IL3RA: variants seen among roughly 807,000 people sequenced by gnomAD.
IL3RA encodes the protein interleukin 3 receptor subunit alpha, also known as interleukin-3 receptor subunit alpha.
A neutral mutation model predicts 52.3 loss-of-function variants in IL3RA; 73 were observed. The observed-to-expected ratio is 1.40, with a 90% CI of 1.16 to 1.70. The LOEUF (loss-of-function observed/expected upper bound fraction) is 1.70. IL3RA is among the 40% of genes most tolerant of loss of function. The pLI is 0.00. For synonymous variants in IL3RA, 260 were observed against 194.0 expected (o/e 1.34, Z -2.83); for missense variants, 664 against 504.4 (o/e 1.32, Z -3.03).
At chrX:1,348,648 T>TTCTTTC (rs1277077882) in intron 4 of IL3RA, 103 bp downstream of exon 4, 1 of 292,882 alleles carries the variant, frequency 3.4e-6, no homozygotes, top group African/African-American at 9.8e-5. Context: ...CTTTTTCTCT[T>TTCTTTC]TCTTTCTTTC....
At chrX:1,378,174 C>G (rs1190964665) in intron 9 of IL3RA, among the ~76,000 whole-genome samples, 2 of 141,594 alleles carry the variant, frequency 1.4e-5, no homozygotes, top group African/African-American at 5.3e-5. Flanking sequence ...CAAAACGAGA[C>G]TCCATCTCAA....
At chrX:1,352,731 T>G (rs17879017) in intron 6 of IL3RA, among the ~76,000 whole-genome samples, 113,557 of 150,450 alleles carry the variant, frequency 0.75, 42,986 homozygotes, top group African/African-American at 0.83. Context: ...TCACGTGGTG[T>G]AGAGAGAGAG....
chrX:1,347,272 C>T lies in IL3RA; in HGVS notation c.184-1159C>T, dbSNP rs749623930. ...CCTCCTGGCTAACACGGTGAAACCC[C>T]GTCTCTACTAAAAATATAAAAATTA... On this transcript the variant is annotated intron_variant, in intron 3 of 11. Transcript: ENST00000331035. Among the ~76,000 whole-genome samples, 26 of 140,234 alleles carry T rather than the reference C, an allele frequency of 1.9e-4. 1 individual carries two copies. Among genetic ancestry groups the T allele is most frequent in the Admixed American group, 2.9e-4 (4 of 13,608 alleles). The allele number at this position is 140,234 out of a possible 152,430, so 92.0% of individuals were successfully genotyped here. A position where few individuals can be genotyped will look rare whatever the true frequency, so the allele number is the denominator to read the frequency against.
At chrX:1,345,175 T>A in intron 2 of IL3RA, 141 bp from the exon 3 acceptor site, 1 of 558,520 alleles carries the variant, frequency 1.8e-6, no homozygotes, top group Non-Finnish European at 3.2e-6. Context: ...TGTCAAAAAA[T>A]TTAAAAAAAT....
At chrX:1,351,559 C>A in intron 4 of IL3RA, among the ~76,000 whole-genome samples, 1 of 151,366 alleles carries the variant, frequency 6.6e-6, no homozygotes, top group South Asian at 2.1e-4. Flanking sequence ...GAACTCCGGA[C>A]CTCAGGTGAT....
chrX:1,345,154 G>C (rs754087175), intron 2 of IL3RA, among the ~76,000 whole-genome samples, 162 bp from the exon 3 acceptor site: 33 of 147,580 alleles, frequency 2.2e-4, no homozygotes, highest in South Asian at 6.4e-4. Context: ...GGCGACAAGA[G>C]TGAAACTCCA....
At chrX:1,358,356 G>A (rs1394758902) in intron 7 of IL3RA, among the ~76,000 whole-genome samples, 2 of 151,840 alleles carry the variant, frequency 1.3e-5, no homozygotes, top group Non-Finnish European at 1.5e-5. Context: ...TCTTGCCACA[G>A]TGGCCCATAA....
chrX:1,343,043 C>G (rs2085557160), intron 2 of IL3RA, among the ~76,000 whole-genome samples: 5 of 151,664 alleles, frequency 3.3e-5, no homozygotes, highest in Admixed American at 6.6e-5. Flanking sequence ...CCATTGCACT[C>G]CAGCCTGGGC....
chrX:1,350,311 C>CA (rs1569520988), intron 4 of IL3RA, among the ~76,000 whole-genome samples: 1 of 148,294 alleles, frequency 6.7e-6, no homozygotes, highest in Non-Finnish European at 1.5e-5. Context: ...AAAAATTAGC[C>CA]GGGCATGGTG....
chrX:1,353,292 A>AC (rs2086251354), intron 6 of IL3RA, among the ~76,000 whole-genome samples: 1 of 140,140 alleles, frequency 7.1e-6, no homozygotes, highest in African/African-American at 2.9e-5. Flanking sequence ...GGGTCATGGG[A>AC]CCCCCTATCA....
intron 3 of IL3RA, among the ~76,000 whole-genome samples, chrX:1,347,577 CCA>C (rs1483551761): frequency 1.3e-5 from 2 of 151,240 alleles, no homozygotes; most frequent in Admixed American, 6.6e-5. Context: ...TGAGATCGCA[CCA>C]CTGAAGTCTA....
chrX:1,382,357 G>A, intron 11 of IL3RA, 34 bp from the exon 12 acceptor site: 2 of 1,578,832 alleles, frequency 1.3e-6, no homozygotes, highest in Non-Finnish European at 1.7e-6. Context: ...TCTGGGGGGT[G>A]GCCGACTCAC....
chrX:1,363,288 A>AAT (rs1201685004), intron 8 of IL3RA, among the ~76,000 whole-genome samples: 1 of 149,046 alleles, frequency 6.7e-6, no homozygotes, highest in Non-Finnish European at 1.5e-5. Context: ...ATCAAATATG[A>AAT]ATGGTCTTTT....
chrX:1,352,536 C>A (rs2086151651), intron 6 of IL3RA, 30 bp downstream of exon 6: 1 of 1,604,344 alleles, frequency 6.2e-7, no homozygotes, highest in African/African-American at 1.3e-5. Context: ...CCCTCCCACC[C>A]TCAGTTCTGT....
intron 2 of IL3RA, among the ~76,000 whole-genome samples, chrX:1,344,078 G>C (rs1457172695): frequency 3.3e-5 from 5 of 152,040 alleles, no homozygotes; most frequent in Non-Finnish European, 2.9e-5. Context: ...ACGGGCGTGA[G>C]CCACCACGCC....
chrX:1,342,034 G>A (rs1478770397), intron 2 of IL3RA, among the ~76,000 whole-genome samples: 2 of 152,052 alleles, frequency 1.3e-5, no homozygotes, highest in African/African-American at 2.4e-5. Context: ...ACGGTAATAC[G>A]ACCTCACAGG....
chrX:1,358,608 G>A (rs1268252939), intron 7 of IL3RA, among the ~76,000 whole-genome samples: 5 of 152,150 alleles, frequency 3.3e-5, no homozygotes, highest in African/African-American at 9.7e-5. Flanking sequence ...GCAGTGAGCC[G>A]AGATCACGCC....
chrX:1,363,025 C>G (rs1185168196), intron 8 of IL3RA, among the ~76,000 whole-genome samples: 1 of 152,086 alleles, frequency 6.6e-6, no homozygotes, highest in African/African-American at 2.4e-5. Context: ...ATCTACCCAC[C>G]TCAGCCTCCC....
chrX:1,361,619 G>A (rs1417487138), intron 8 of IL3RA, among the ~76,000 whole-genome samples: 1 of 151,988 alleles, frequency 6.6e-6, no homozygotes, highest in Non-Finnish European at 1.5e-5. Flanking sequence ...ACGTGGTGGT[G>A]GCAGGCGCCT....
Sources: gnomAD v4.1 joint callset for allele counts (sites outside exome capture counted in the v4.1 genomes callset) on GRCh38, gnomAD v4.1.1 for gene constraint, MANE v1.5 for transcripts, NCBI Gene and HGNC (gene_info 2026-07-23, HGNC 2026-07-21) for gene names.